ADGRB1: variants seen among roughly 807,000 people sequenced by gnomAD.
The protein encoded by ADGRB1 is adhesion G protein-coupled receptor B1.
ADGRB1 carries 36 observed loss-of-function variants against 175.7 expected under a neutral mutation model. The ratio of observed to expected loss-of-function variants is 0.20; its 90% CI spans 0.16 to 0.27. The LOEUF (loss-of-function observed/expected upper bound fraction) is 0.27, where lower values mean the gene tolerates loss of function less well. Among genes scored for constraint, ADGRB1 ranks in the 10% least tolerant of loss-of-function variants. ADGRB1 has a pLI of 1.00. For missense variants in ADGRB1, 1,731 were observed against 2,255.3 expected (o/e 0.77, Z 4.71); for synonymous variants, 1,054 against 979.4 (o/e 1.08, Z -1.42).
intron 22 of ADGRB1, 122 bp from the exon 23 acceptor site, chr8:142,524,116 C>A: frequency 8.9e-7 from 1 of 1,121,244 alleles, no homozygotes; most frequent in Non-Finnish European, 1.3e-6. Flanking sequence ...GCCGAAGGCG[C>A]TTAATAAGTG....
At chr8:142,467,499 G>C (rs572780297) in intron 2 of ADGRB1, among the ~76,000 whole-genome samples, 1 of 152,352 alleles carries the variant, frequency 6.6e-6, no homozygotes, top group South Asian at 2.1e-4. Flanking sequence ...GATGTCAGCT[G>C]AGTTGAGGAA....
intron 1 of ADGRB1, among the ~76,000 whole-genome samples, chr8:142,451,354 G>T (rs964605925): frequency 4.6e-5 from 7 of 152,142 alleles, no homozygotes; most frequent in Admixed American, 3.3e-4. Flanking sequence ...TTTTATTTTG[G>T]GCTTCTAAGT....
intron 18 of ADGRB1, among the ~76,000 whole-genome samples, chr8:142,514,293 G>A (rs1419808564): frequency 6.6e-6 from 1 of 151,988 alleles, no homozygotes; most frequent in Non-Finnish European, 1.5e-5. Flanking sequence ...GTGGTAGAGC[G>A]AGGGGAGGTG....
chr8:142,490,405 C>T (rs1841926533), intron 16 of ADGRB1, among the ~76,000 whole-genome samples: 1 of 152,184 alleles, frequency 6.6e-6, no homozygotes, highest in Non-Finnish European at 1.5e-5. Flanking sequence ...CTTACAGAGG[C>T]CACTGTGTGC....
At chr8:142,529,604 G>A (rs996712936) in intron 24 of ADGRB1, among the ~76,000 whole-genome samples, 6 of 152,072 alleles carry the variant, frequency 3.9e-5, no homozygotes, top group Non-Finnish European at 8.8e-5. Flanking sequence ...ATGTATGTGT[G>A]TGAGTGCAAC....
At chr8:142,538,450 G>A (rs1845066410) in intron 26 of ADGRB1, among the ~76,000 whole-genome samples, 1 of 152,190 alleles carries the variant, frequency 6.6e-6, no homozygotes, top group Non-Finnish European at 1.5e-5. Flanking sequence ...TCCACCAGTG[G>A]CTAGCTTGTC....
intron 20 of ADGRB1, 23 bp from the exon 21 acceptor site, chr8:142,521,942 G>C: frequency 6.4e-7 from 1 of 1,565,148 alleles, no homozygotes; most frequent in Non-Finnish European, 8.6e-7. Flanking sequence ...TGCCCAGCCT[G>C]CCCCGCCCTG....
chr8:142,517,521 A>G (rs1226167880), intron 18 of ADGRB1, among the ~76,000 whole-genome samples: 1 of 151,964 alleles, frequency 6.6e-6, no homozygotes, highest in Non-Finnish European at 1.5e-5. Context: ...CTAGGCCTAG[A>G]AGCTGCAGGG....
At chr8:142,535,688 TG>T (rs890058234) in intron 25 of ADGRB1, among the ~76,000 whole-genome samples, 6 of 152,270 alleles carry the variant, frequency 3.9e-5, no homozygotes, top group African/African-American at 1.4e-4. Flanking sequence ...GGGCTGAGGC[TG>T]GCTCGGGTGT....
At chr8:142,514,187 C>T (rs1843276930) in intron 18 of ADGRB1, among the ~76,000 whole-genome samples, 1 of 151,982 alleles carries the variant, frequency 6.6e-6, no homozygotes, top group Non-Finnish European at 1.5e-5. Context: ...TCAGAGTGGC[C>T]TACAGGGGCT....
chr8:142,539,529 C>A, intron 27 of ADGRB1, 116 bp downstream of exon 27: 1 of 1,276,674 alleles, frequency 7.8e-7, no homozygotes, highest in South Asian at 1.3e-5. Flanking sequence ...CTGCTGCCCC[C>A]ACCCACACCC....
chr8:142,484,060 C>T lies in ADGRB1; in HGVS notation c.2199+15C>T. Reference sequence around the variant, plus strand: ...AGGCCCAGCTGGTAGGGCCTGGGGCCCCTACGGTCAGCAGCCTCAGGAGGG... The same window carrying T: ...AGGCCCAGCTGGTAGGGCCTGGGGCTCCTACGGTCAGCAGCCTCAGGAGGG... On this transcript the variant is annotated intron_variant, in intron 12 of 30. Coordinates refer to ENST00000517894, the MANE Select transcript of ADGRB1 (RefSeq NM_001702.3). 1 of 1,604,222 alleles carries T rather than the reference C, an allele frequency of 6.2e-7. No homozygotes were observed. Among genetic ancestry groups the T allele is most frequent in the Non-Finnish European group, 8.5e-7 (1 of 1,176,938 alleles).
intron 2 of ADGRB1, among the ~76,000 whole-genome samples, chr8:142,471,322 G>A (rs887732206): frequency 3.3e-5 from 5 of 152,208 alleles, no homozygotes; most frequent in African/African-American, 9.6e-5. Flanking sequence ...TGCGAGAGAG[G>A]CTGAGAATCA....
chr8:142,518,793 G>A (rs1443226633), intron 19 of ADGRB1, among the ~76,000 whole-genome samples: 1 of 152,212 alleles, frequency 6.6e-6, no homozygotes, highest in Non-Finnish European at 1.5e-5. Flanking sequence ...GGCACTCCCC[G>A]CTATCTGCTC....
chr8:142,510,916 T>C lies in ADGRB1; in HGVS notation c.2676-16T>C. 1,144 of 962,690 alleles carry C rather than the reference T, an allele frequency of 1.2e-3. No individual in the cohort carries two copies. Among genetic ancestry groups the C allele is most frequent in the Middle Eastern group, 1.4e-3 (3 of 2,076 alleles). The allele number at this position is 962,690 out of a possible 1,614,324, so 59.6% of individuals were successfully genotyped here. On this transcript the variant is annotated splice_polypyrimidine_tract_variant and intron_variant, in intron 17 of 30. Coordinates refer to ENST00000517894, the MANE Select transcript of ADGRB1 (RefSeq NM_001702.3). The surrounding 1 kb of genome is among the most constrained non-coding windows in gnomAD (Gnocchi z 6.3). ...ACGCTCCGCCTGTCTCCCTCCCGTGTCCCGCCCGCCCCCAGACCCTCCTCC... is the reference window on the plus strand; with the variant it reads ...ACGCTCCGCCTGTCTCCCTCCCGTGCCCCGCCCGCCCCCAGACCCTCCTCC...
intron 1 of ADGRB1, among the ~76,000 whole-genome samples, chr8:142,462,585 C>A (rs969018984): frequency 6.6e-6 from 1 of 152,236 alleles, no homozygotes; most frequent in Non-Finnish European, 1.5e-5. Context: ...GCAGGAAGGA[C>A]GCCAGGAGGG....
At chr8:142,521,434 G>A (rs984879563) in intron 20 of ADGRB1, among the ~76,000 whole-genome samples, 3 of 152,206 alleles carry the variant, frequency 2.0e-5, no homozygotes, top group African/African-American at 2.4e-5. Flanking sequence ...TGTGGCAGGT[G>A]CAGCCTTTGG....
At chr8:142,529,491 CA>C (rs1428963864) in intron 24 of ADGRB1, among the ~76,000 whole-genome samples, 2 of 152,148 alleles carry the variant, frequency 1.3e-5, no homozygotes, top group Admixed American at 6.5e-5. Flanking sequence ...TCTGATGCCA[CA>C]AGTGTGCAAG....
chr8:142,510,916 T>TGGCCC lies in ADGRB1; in HGVS notation c.2676-16_2676-15insGGCCC. On this transcript the variant is annotated splice_polypyrimidine_tract_variant and intron_variant, in intron 17 of 30. Transcript: ENST00000517894. The surrounding 1 kb of genome is among the most constrained non-coding windows in gnomAD (Gnocchi z 6.3). ...ACGCTCCGCCTGTCTCCCTCCCGTG[T>TGGCCC]CCCGCCCGCCCCCAGACCCTCCTCC... 1 of 969,738 alleles carries TGGCCC rather than the reference T, an allele frequency of 1.0e-6. No individual in the cohort carries two copies. Among genetic ancestry groups the TGGCCC allele is most frequent in the Non-Finnish European group, 1.3e-6 (1 of 789,298 alleles). The allele number at this position is 969,738 out of a possible 1,614,324, so 60.1% of individuals were successfully genotyped here.
Sources: gnomAD v4.1 joint callset for allele counts (sites outside exome capture counted in the v4.1 genomes callset) on GRCh38, gnomAD v4.1.1 for gene constraint, Gnocchi (gnomAD v3.1) non-coding constraint, MANE v1.5 for transcripts, NCBI Gene and HGNC (gene_info 2026-07-23, HGNC 2026-07-21) for gene names.